Variants in TRPM4 observed in about 807,000 individuals in gnomAD.
The protein encoded by TRPM4 is calcium-activated non-selective cation channel 1.
Under a neutral mutation model 135.6 loss-of-function variants are expected in TRPM4, and 124 were observed. The observed-to-expected ratio is 0.91, with a 90% CI of 0.79 to 1.06. The LOEUF is 1.06. Ranked by LOEUF, TRPM4 falls within the 50% of genes least tolerant of loss-of-function variation. The pLI is 0.00. For missense variants in TRPM4, 1,658 were observed against 1,671.4 expected (o/e 0.99, Z 0.14); for synonymous variants, 745 against 705.6 (o/e 1.06, Z -0.88).
chr19:49,182,395 C>CCCATCCATCCATCTGT, intron 10 of TRPM4, 183 bp from the exon 11 acceptor site: 1 of 548,540 alleles, frequency 1.8e-6, no homozygotes. Context: ...CATCCATCTG[C>CCCATCCATCCATCTGT]CCATCCATCC....
rs534825460 is a variant in TRPM4, at chr19:49,195,164, T to C, written c.2211-1276T>C. ...GTATACAATTCAGTGCTTCTTGGTGTACTCACAGAATTGTGAAATCATTTC... is the reference window on the plus strand; with the variant it reads ...GTATACAATTCAGTGCTTCTTGGTGCACTCACAGAATTGTGAAATCATTTC... On this transcript the variant is annotated intron_variant, in intron 16 of 24. Transcript: ENST00000252826. 3.3e-5 allele frequency among the ~76,000 whole-genome samples: 5 copies of C among 152,278 alleles called. No individual in the cohort carries two copies. The East Asian group carries it at 9.6e-4, about 29-fold the overall frequency.
In TRPM4 at chr19:49,190,091, G is replaced by A. The variant is rs7256621; in HGVS notation, c.2020-117G>A. ...ACCGTTTCCCTACCTCAATAGTTGT[G>A]GCTGTGACATTGGGCACTTGCTCTG... On this transcript the variant is annotated intron_variant, in intron 14 of 24. Coordinates refer to ENST00000252826, the MANE Select transcript of TRPM4 (RefSeq NM_017636.4). 2.3e-4 allele frequency: 194 copies of A among 856,060 alleles called. No homozygotes were observed. In the African/African-American group the frequency reaches 2.7e-3, roughly 12 times the overall value. 53.0% of individuals were successfully genotyped at this position (856,060 alleles called of 1,614,324 possible). A position where few individuals can be genotyped will look rare whatever the true frequency, so the allele number is the denominator to read the frequency against.
At chr19:49,206,723 G>A (rs1969167453) in intron 20 of TRPM4, among the ~76,000 whole-genome samples, 1 of 152,238 alleles carries the variant, frequency 6.6e-6, no homozygotes, top group African/African-American at 2.4e-5. Flanking sequence ...ACAGGTGTGA[G>A]CCACCGCGCC....
chr19:49,171,261 G>A lies in TRPM4; in HGVS notation c.797-96G>A, dbSNP rs1277050345. Reference sequence around the variant, plus strand: ...GCCTCTGAACAGAAGATTAGGACAAGGCTGATGTTTGCCGACTCCTGGGAA... The same window carrying A: ...GCCTCTGAACAGAAGATTAGGACAAAGCTGATGTTTGCCGACTCCTGGGAA... On this transcript the variant is annotated intron_variant, in intron 6 of 24. Transcript: ENST00000252826. This position sits in a 1 kb window ranked among gnomAD's most constrained non-coding sequence, Gnocchi z 4.7. 5.5e-6 allele frequency: 7 copies of A among 1,274,912 alleles called. No homozygotes were observed. In the East Asian group the frequency reaches 1.2e-4, roughly 21 times the overall value. The allele number at this position is 1,274,912 out of a possible 1,614,324, so 79.0% of individuals were successfully genotyped here. A position where few individuals can be genotyped will look rare whatever the true frequency, so the allele number is the denominator to read the frequency against.
rs370408410 is a variant in TRPM4 at position 49,191,561 on chromosome 19, G to C, written c.2210+788G>C. Reference sequence around the variant, plus strand: ...AATGGGGTCTCGCTCTGTCGACCAGGCTGGAGTGCAGTGGTGTGATCTCCG... The same window carrying C: ...AATGGGGTCTCGCTCTGTCGACCAGCCTGGAGTGCAGTGGTGTGATCTCCG... On this transcript the variant is annotated intron_variant, in intron 16 of 24. Transcript: ENST00000252826. 2.5e-4 allele frequency among the ~76,000 whole-genome samples: 38 copies of C among 152,098 alleles called. No homozygotes were observed. The East Asian group carries it at 4.4e-3, about 18-fold the overall frequency.
chr19:49,166,388 C>G lies in TRPM4; in HGVS notation c.267+173C>G, dbSNP rs544987182. Among the ~76,000 whole-genome samples, 47 of 152,320 alleles carry G rather than the reference C, an allele frequency of 3.1e-4. 1 individual carries two copies. The highest frequency in any genetic ancestry group is 1.1e-3 in the African/African-American group (45 of 41,560). On this transcript the variant is annotated intron_variant, in intron 3 of 24. Transcript: ENST00000252826. ...TCTCTCTGAGGGGGTCCCGTTCTCTCTGCGTCTCTTTGTCTCTGTCTCCCT... is the reference window on the plus strand; with the variant it reads ...TCTCTCTGAGGGGGTCCCGTTCTCTGTGCGTCTCTTTGTCTCTGTCTCCCT...
intron 5 of TRPM4, 59 bp downstream of exon 5, chr19:49,168,482 G>C: frequency 6.2e-7 from 1 of 1,613,724 alleles, no homozygotes; most frequent in Non-Finnish European, 8.5e-7. Context: ...GTCTGAGGGA[G>C]GAGGAGGGGC....
rs768534475 is a variant in TRPM4 at position 49,181,458 on chromosome 19, G to A, written c.1260G>A (p.Trp420Ter). 9.9e-6 allele frequency: 16 copies of A among 1,612,288 alleles called. No homozygotes were observed. In the South Asian group the frequency reaches 1.6e-4, roughly 17 times the overall value. Residue 420 changes from tryptophan (W) to a stop codon, truncating the protein, a stop_gained, in exon 10 of 25, where the codon TGG (tryptophan) becomes TGA (stop). Transcript: ENST00000252826. LOFTEE classifies it high-confidence loss of function. Reference protein sequence around the residue: ...QSELFRGDIQWRSFHLEASLM... With the variant: ...QSELFRGDIQ ...AACTCTTTCGGGGGGACATCCAATG[G>A]CGGGTGAGGGGTCAGGGCCTGGGGG...
At chr19:49,182,958 C>G (rs1175656988) in intron 11 of TRPM4, 36 bp downstream of exon 11, 1 of 1,583,142 alleles carries the variant, frequency 6.3e-7, no homozygotes, top group Admixed American at 1.7e-5. Flanking sequence ...CCCCCCCGCG[C>G]GGGAAGGACC....
chr19:49,188,906 C>A, intron 13 of TRPM4, 40 bp from the exon 14 acceptor site: 1 of 1,613,890 alleles, frequency 6.2e-7, no homozygotes, highest in Non-Finnish European at 8.5e-7. Flanking sequence ...TCACCCTACT[C>A]CTTCCCATCC....
intron 16 of TRPM4, among the ~76,000 whole-genome samples, chr19:49,193,961 C>T (rs922110685): frequency 6.6e-6 from 1 of 150,690 alleles, no homozygotes; most frequent in Non-Finnish European, 1.5e-5. Flanking sequence ...TCCTCCTCTT[C>T]CTACTCATCC....
rs553882347 is a variant in TRPM4, at chr19:49,166,266, C to T, written c.267+51C>T. 2.5e-4 allele frequency: 381 copies of T among 1,534,352 alleles called. 1 individual carries two copies. In the East Asian group the frequency reaches 3.3e-3, roughly 13 times the overall value. Reference sequence around the variant, plus strand: ...CCCGGGCACCAGGGGGCTGCATGCTCGGGGCTCCAGAGTGGAGCCGGGACG... The same window carrying T: ...CCCGGGCACCAGGGGGCTGCATGCTTGGGGCTCCAGAGTGGAGCCGGGACG... On this transcript the variant is annotated intron_variant, in intron 3 of 24. Transcript: ENST00000252826.
At position 49,183,302 on chromosome 19, in the gene TRPM4, C is replaced by T. The variant is rs1600463014; in HGVS notation, c.1743+90C>T. 2.6e-6 allele frequency: 4 copies of T among 1,564,660 alleles called. No individual in the cohort carries two copies. In the African/African-American group the frequency reaches 5.4e-5, roughly 21 times the overall value. On this transcript the variant is annotated intron_variant, in intron 12 of 24. Coordinates refer to ENST00000252826, the MANE Select transcript of TRPM4 (RefSeq NM_017636.4). ...AACAATTACCATACAATTCCCCGAC[C>T]CCTGACGTCACCTGACAGGCGCCCC... is the stretch of plus-strand genomic sequence containing the variant.
Position 49,196,773 on chromosome 19 carries a change from C to G in TRPM4, c.2544C>G (p.Gly848=). 4 of 1,563,914 alleles carry G rather than the reference C, an allele frequency of 2.6e-6. 1 individual carries two copies. In the South Asian group the frequency reaches 4.7e-5, roughly 18 times the overall value. Reference sequence around the variant, plus strand: ...TCGCCAGCGGGGGCCCCGGGCCTGGCCATGCCTCACTGAGCCAGCGCCTGC... The same window carrying G: ...TCGCCAGCGGGGGCCCCGGGCCTGGGCATGCCTCACTGAGCCAGCGCCTGC... The part of the protein sequence containing the change: ...GSLASGGPGP[G]HASLSQRLRL... Residue 848 remains glycine (G), a synonymous_variant, in exon 17 of 25, where the codon GGC becomes GGG. Coordinates refer to ENST00000252826, the MANE Select transcript of TRPM4 (RefSeq NM_017636.4).
At chr19:49,166,244 G>A in intron 3 of TRPM4, 29 bp downstream of exon 3, 2 of 1,561,380 alleles carry the variant, frequency 1.3e-6, no homozygotes, top group East Asian at 2.3e-5. Context: ...GGCGGGGCCC[G>A]GGCACCAGGG....
Position 49,210,922 on chromosome 19 carries a change from G to A in TRPM4, c.3461+80G>A. On this transcript the variant is annotated intron_variant, in intron 22 of 24. Transcript: ENST00000252826. The surrounding 1 kb of genome is among the most constrained non-coding windows in gnomAD (Gnocchi z 4.1). Reference sequence around the variant, plus strand: ...TTCAGCTGAAGGCAGGGTCCTGGGAGGGAGGGAGAGAGGGAGGAGGCCCGG... The same window carrying A: ...TTCAGCTGAAGGCAGGGTCCTGGGAAGGAGGGAGAGAGGGAGGAGGCCCGG... The A allele has an allele frequency of 6.3e-7, 1 of 1,590,310 alleles. No individual in the cohort carries two copies. Among genetic ancestry groups the A allele is most frequent in the Non-Finnish European group, 8.6e-7 (1 of 1,169,208 alleles).
chr19:49,206,446 T>C (rs1319259079), intron 20 of TRPM4, among the ~76,000 whole-genome samples: 1 of 151,650 alleles, frequency 6.6e-6, no homozygotes, highest in African/African-American at 2.4e-5. Context: ...TTTTTTTTTT[T>C]TCTTTTTTTT....
chr19:49,190,972 G>A (rs751269493), intron 16 of TRPM4, among the ~76,000 whole-genome samples, 199 bp downstream of exon 16: 13 of 152,130 alleles, frequency 8.5e-5, no homozygotes, highest in Non-Finnish European at 1.5e-4. Flanking sequence ...TGGCATCTGC[G>A]GCTGGTGAGC....
At chr19:49,205,525 A>C (rs1374549226) in intron 20 of TRPM4, among the ~76,000 whole-genome samples, 1 of 144,074 alleles carries the variant, frequency 6.9e-6, no homozygotes, top group African/African-American at 2.6e-5. Flanking sequence ...TATGACTTCA[A>C]CTTTTTTTTT....
Sources: allele counts gnomAD v4.1 joint callset (sites outside exome capture counted in the v4.1 genomes callset), GRCh38; gene constraint gnomAD v4.1.1; non-coding constraint Gnocchi (gnomAD v3.1); transcripts MANE v1.5; gene names NCBI Gene and HGNC (gene_info 2026-07-23, HGNC 2026-07-21).